SLC10A7: variants seen among roughly 807,000 people sequenced by gnomAD.
The protein encoded by SLC10A7 is sodium/bile acid cotransporter 7.
In SLC10A7, 29 loss-of-function variants were observed where a neutral mutation model predicts 43.2. The ratio of observed to expected loss-of-function variants is 0.67; its 90% confidence interval spans 0.50 to 0.92. The LOEUF is 0.92. Among genes scored for constraint, SLC10A7 ranks in the 40% least tolerant of loss-of-function variants. SLC10A7 has a pLI of 0.00. For missense variants in SLC10A7, 295 were observed against 403.2 expected, an observed-to-expected ratio of 0.73 and a Z score of 2.30; for synonymous variants, 152 against 144.8, an observed-to-expected ratio of 1.05 and a Z score of -0.35.
In SLC10A7 at chr4:146,521,695, C is replaced by T. The variant is rs779007197; in HGVS notation, c.23G>A (p.Arg8Lys). 1 of 1,614,156 alleles carries T rather than the reference C, an allele frequency of 6.2e-7. No homozygotes were observed. The highest frequency in any genetic ancestry group is 8.5e-7 in the Non-Finnish European group (1 of 1,180,026). Reference sequence around the variant, plus strand: ...TATTCCGACCATGAACCAGTCTTTCCTCATTCTCTCCAGCAGCCTCATATT... The same window carrying T: ...TATTCCGACCATGAACCAGTCTTTCTTCATTCTCTCCAGCAGCCTCATATT... MRLLERM[R>K]KDWFMVGIVL... The change falls in exon 1 of 12, where the codon AGG becomes AAG. Residue 8 changes from arginine to lysine, a missense_variant. Arg to Lys is a conservative substitution (Grantham distance 26). This residue lies in a region of SLC10A7 where 53 missense variants were observed against 40.7 expected (regional missense o/e 1.30). Coordinates refer to ENST00000335472, the MANE Select transcript of SLC10A7 (RefSeq NM_001029998.6).
At chr4:146,257,370 G>A (rs1395400923) in intron 11 of SLC10A7, among the ~76,000 whole-genome samples, 1 of 152,102 alleles carries the variant, frequency 6.6e-6, no homozygotes, top group Non-Finnish European at 1.5e-5. Flanking sequence ...ATGTTGGATG[G>A]GCTGAACTTC....
intron 5 of SLC10A7, among the ~76,000 whole-genome samples, chr4:146,367,247 A>T (rs945568378): frequency 4.6e-5 from 7 of 152,098 alleles, no homozygotes; most frequent in Non-Finnish European, 1.0e-4. Flanking sequence ...ACAAAAGGAA[A>T]CAAAAAAATC....
chr4:146,373,743 CT>C (rs1736960731), intron 5 of SLC10A7, among the ~76,000 whole-genome samples: 1 of 152,114 alleles, frequency 6.6e-6, no homozygotes, highest in Admixed American at 6.6e-5. Context: ...CCACCAGAAT[CT>C]TAATTTAATC....
At chr4:146,334,333 T>A in intron 5 of SLC10A7, among the ~76,000 whole-genome samples, 1 of 152,092 alleles carries the variant, frequency 6.6e-6, no homozygotes, top group Non-Finnish European at 1.5e-5. Flanking sequence ...AAATGTAGAC[T>A]ATAGATTGAA....
chr4:146,384,884 T>C (rs1044569716), intron 5 of SLC10A7, among the ~76,000 whole-genome samples: 1 of 152,112 alleles, frequency 6.6e-6, no homozygotes, highest in African/African-American at 2.4e-5. Flanking sequence ...CTTTTTAATG[T>C]GCCCATATTA....
intron 5 of SLC10A7, among the ~76,000 whole-genome samples, chr4:146,375,925 T>TA (rs1737165461): frequency 6.6e-6 from 1 of 152,202 alleles, no homozygotes; most frequent in Non-Finnish European, 1.5e-5. Context: ...GCTTGTGACC[T>TA]ATACTGATGA....
intron 4 of SLC10A7, among the ~76,000 whole-genome samples, chr4:146,491,939 C>T (rs1189723424): frequency 3.9e-5 from 6 of 152,042 alleles, no homozygotes; most frequent in South Asian, 2.1e-4. Flanking sequence ...CAGCCAGGGC[C>T]GGGTGCGGTG....
chr4:146,273,079 A>C (rs1393669109), intron 10 of SLC10A7, among the ~76,000 whole-genome samples: 1 of 152,174 alleles, frequency 6.6e-6, no homozygotes, highest in East Asian at 1.9e-4. Flanking sequence ...TTAGTTTGAA[A>C]TTAATAGGAA....
At chr4:146,296,996 C>A (rs1283053050) in intron 7 of SLC10A7, among the ~76,000 whole-genome samples, 1 of 152,180 alleles carries the variant, frequency 6.6e-6, no homozygotes, top group South Asian at 2.1e-4. Context: ...TATGAAACAA[C>A]ACTTTGCTCG....
chr4:146,465,247 A>G (rs1436837246), intron 4 of SLC10A7, among the ~76,000 whole-genome samples: 1 of 152,166 alleles, frequency 6.6e-6, no homozygotes, highest in East Asian at 1.9e-4. Flanking sequence ...CCTCTTCTAA[A>G]CACATACAAA....
intron 5 of SLC10A7, among the ~76,000 whole-genome samples, chr4:146,400,585 G>T (rs1405515543): frequency 6.6e-6 from 1 of 152,104 alleles, no homozygotes. Flanking sequence ...CACTGTGGTA[G>T]TAATTAGAAT....
chr4:146,257,009 A>G, intron 11 of SLC10A7: 1 of 1,034,342 alleles, frequency 9.7e-7, no homozygotes, highest in South Asian at 1.5e-5. Flanking sequence ...TATTCTACAG[A>G]ACAAATTCTA....
At chr4:146,289,202 C>G (rs532061893) in intron 9 of SLC10A7, among the ~76,000 whole-genome samples, 6 of 152,294 alleles carry the variant, frequency 3.9e-5, no homozygotes, top group African/African-American at 1.2e-4. Context: ...GTTGCCTCCT[C>G]TGAAATGGTA....
At chr4:146,509,792 G>T in intron 3 of SLC10A7, 121 bp downstream of exon 3, 1 of 854,670 alleles carries the variant, frequency 1.2e-6, no homozygotes. Flanking sequence ...ACAAAGATGT[G>T]TTTTTACTTC....
intron 5 of SLC10A7, among the ~76,000 whole-genome samples, chr4:146,400,422 C>T (rs555336371): frequency 1.3e-5 from 2 of 152,120 alleles, no homozygotes; most frequent in East Asian, 1.9e-4. Flanking sequence ...GGTACTCGGG[C>T]GGTGTTATAA....
intron 5 of SLC10A7, among the ~76,000 whole-genome samples, chr4:146,345,280 C>T (rs549327713): frequency 1.3e-5 from 2 of 152,130 alleles, no homozygotes; most frequent in African/African-American, 4.8e-5. Context: ...AATGCTACAT[C>T]TAGGAAGGGG....
chr4:146,508,876 C>T lies in SLC10A7; in HGVS notation c.320+1037G>A, dbSNP rs191155819. ...AGAATAAAATCTGAATGCTGTACCACGGCCTATAAGGCTCTACATACCTCA... is the reference window on the plus strand; with the variant it reads ...AGAATAAAATCTGAATGCTGTACCATGGCCTATAAGGCTCTACATACCTCA... On this transcript the variant is annotated intron_variant, in intron 3 of 11. Transcript: ENST00000335472. 2.2e-3 allele frequency among the ~76,000 whole-genome samples: 332 copies of T among 152,312 alleles called. 3 individuals carry two copies. Among genetic ancestry groups the T allele is most frequent in the African/African-American group, 7.2e-3 (299 of 41,578 alleles).
intron 5 of SLC10A7, among the ~76,000 whole-genome samples, chr4:146,371,937 A>G (rs985588066): frequency 6.6e-6 from 1 of 152,164 alleles, no homozygotes; most frequent in African/African-American, 2.4e-5. Flanking sequence ...GGTATTTCTC[A>G]TTCTACCATT....
intron 5 of SLC10A7, among the ~76,000 whole-genome samples, chr4:146,357,483 C>A (rs1735739632): frequency 6.6e-6 from 1 of 152,214 alleles, no homozygotes; most frequent in Non-Finnish European, 1.5e-5. Flanking sequence ...AAGCAACTGG[C>A]AAAAAAGGCA....
Sources: allele counts gnomAD v4.1 joint callset (sites outside exome capture counted in the v4.1 genomes callset), GRCh38; gene constraint gnomAD v4.1.1; regional missense constraint gnomAD v4.1.1; transcripts MANE v1.5; gene names NCBI Gene and HGNC (gene_info 2026-07-23, HGNC 2026-07-21).